SLC16A7: variants seen among roughly 807,000 people sequenced by gnomAD.
The protein encoded by SLC16A7 is solute carrier family 16 member 7, also known as monocarboxylate transporter 2.
SLC16A7 carries 33 observed loss-of-function variants against 34.9 expected under a neutral mutation model. The ratio of observed to expected loss-of-function variants is 0.94; its 90% CI spans 0.72 to 1.26. The LOEUF (loss-of-function observed/expected upper bound fraction) is 1.26, where lower values mean the gene tolerates loss of function less well. Among genes scored for constraint, SLC16A7 ranks in the 50% most tolerant of loss-of-function variants. The pLI is 0.00. For synonymous variants in SLC16A7, 201 were observed against 206.6 expected, an observed-to-expected ratio of 0.97 and a Z score of 0.23; for missense variants, 573 against 578.1, an observed-to-expected ratio of 0.99 and a Z score of 0.09.
At chr12:59,654,704 C>CACACAT (rs1555165844) in intron 1 of SLC16A7, among the ~76,000 whole-genome samples, 21 of 151,684 alleles carry the variant, frequency 1.4e-4, no homozygotes, top group East Asian at 1.2e-3. Flanking sequence ...CACACACACA[C>CACACAT]ACACACTCAC....
intron 3 of SLC16A7, among the ~76,000 whole-genome samples, chr12:59,748,545 A>G (rs780176525): frequency 3.9e-5 from 6 of 152,208 alleles, no homozygotes; most frequent in Non-Finnish European, 7.3e-5. Context: ...GTGCAATACC[A>G]TAAACCTTGA....
intron 3 of SLC16A7, among the ~76,000 whole-genome samples, chr12:59,743,165 T>TAAA (rs1878525116): frequency 6.6e-6 from 1 of 152,174 alleles, no homozygotes. Flanking sequence ...TCATACTGTT[T>TAAA]AAAAAGAGAA....
chr12:59,683,758 G>T (rs1870929305), intron 2 of SLC16A7, among the ~76,000 whole-genome samples: 1 of 151,934 alleles, frequency 6.6e-6, no homozygotes, highest in Non-Finnish European at 1.5e-5. Context: ...TATAATGGGG[G>T]GTATGTAAAG....
At chr12:59,685,049 G>A (rs7976956) in intron 2 of SLC16A7, among the ~76,000 whole-genome samples, 24,654 of 152,058 alleles carry the variant, frequency 0.16, 2,414 homozygotes, top group East Asian at 0.33. Context: ...GTACAGGAAG[G>A]TATGGGGAAA....
chr12:59,635,768 G>GA (rs1427935908), intron 1 of SLC16A7, among the ~76,000 whole-genome samples: 6 of 151,722 alleles, frequency 4.0e-5, no homozygotes, highest in Admixed American at 6.6e-5. Flanking sequence ...CTGTCCATCA[G>GA]AAAAAAATAT....
intron 2 of SLC16A7, among the ~76,000 whole-genome samples, chr12:59,666,539 A>C (rs1315574052): frequency 6.6e-6 from 1 of 152,108 alleles, no homozygotes; most frequent in Non-Finnish European, 1.5e-5. Flanking sequence ...GGTGGGAGGT[A>C]ATTGAATCAT....
intron 2 of SLC16A7, among the ~76,000 whole-genome samples, chr12:59,685,105 C>A (rs1361181293): frequency 6.6e-6 from 1 of 152,104 alleles, no homozygotes; most frequent in Non-Finnish European, 1.5e-5. Flanking sequence ...GATGATGGTT[C>A]TTTCCGGTCA....
chr12:59,682,264 G>T (rs1003276189), intron 2 of SLC16A7, among the ~76,000 whole-genome samples: 10 of 152,058 alleles, frequency 6.6e-5, no homozygotes, highest in East Asian at 1.9e-4. Context: ...ACATGTTAGG[G>T]TTGTCATTTT....
chr12:59,611,529 A>G (rs1879192649), intron 1 of SLC16A7, among the ~76,000 whole-genome samples: 1 of 152,210 alleles, frequency 6.6e-6, no homozygotes, highest in Non-Finnish European at 1.5e-5. Context: ...CCTCTGGCCC[A>G]TCTCAAAACT....
intron 3 of SLC16A7, among the ~76,000 whole-genome samples, chr12:59,725,264 CA>C (rs1200479114): frequency 2.0e-5 from 3 of 152,076 alleles, no homozygotes; most frequent in Non-Finnish European, 4.4e-5. Flanking sequence ...CACTTTGAAT[CA>C]CTATTGTATG....
chr12:59,751,819 C>T (rs2706280), intron 3 of SLC16A7, among the ~76,000 whole-genome samples: 18,647 of 152,188 alleles, frequency 0.12, 1,491 homozygotes, highest in African/African-American at 0.22. Context: ...GGGTCCCTGA[C>T]CCCTGACCCC....
chr12:59,772,083 C>T (rs1239224140), intron 4 of SLC16A7, among the ~76,000 whole-genome samples: 1 of 152,024 alleles, frequency 6.6e-6, no homozygotes, highest in Non-Finnish European at 1.5e-5. Flanking sequence ...AATTTATATT[C>T]AACGTATTAG....
intron 1 of SLC16A7, among the ~76,000 whole-genome samples, chr12:59,634,324 GA>G (rs528060686): frequency 1.6e-3 from 240 of 151,930 alleles, no homozygotes; most frequent in African/African-American, 4.9e-3. Flanking sequence ...TTTTGTTAAA[GA>G]AAAAAAATTA....
chr12:59,777,993 T>C (rs1882930309), intron 5 of SLC16A7, among the ~76,000 whole-genome samples: 1 of 152,134 alleles, frequency 6.6e-6, no homozygotes, highest in Non-Finnish European at 1.5e-5. Flanking sequence ...CATCATTTTT[T>C]ATGGCTGCAT....
intron 2 of SLC16A7, among the ~76,000 whole-genome samples, chr12:59,703,837 A>G (rs576193240): frequency 6.6e-6 from 1 of 152,312 alleles, no homozygotes; most frequent in South Asian, 2.1e-4. Context: ...GGTTGACCGT[A>G]GTAATCATTT....
chr12:59,709,302 G>A (rs1354011669), intron 3 of SLC16A7, among the ~76,000 whole-genome samples: 1 of 151,512 alleles, frequency 6.6e-6, no homozygotes, highest in African/African-American at 2.4e-5. Context: ...TCTGTTTTAT[G>A]TGAATAGTGA....
intron 2 of SLC16A7, among the ~76,000 whole-genome samples, chr12:59,679,680 A>G (rs1592483848): frequency 6.6e-6 from 1 of 152,266 alleles, no homozygotes; most frequent in Non-Finnish European, 1.5e-5. Flanking sequence ...ACTATATCTT[A>G]TGTCTTAGTC....
At chr12:59,738,092 A>G (rs1042299870) in intron 3 of SLC16A7, among the ~76,000 whole-genome samples, 1 of 152,174 alleles carries the variant, frequency 6.6e-6, no homozygotes, top group Non-Finnish European at 1.5e-5. Flanking sequence ...TCACAGAGAT[A>G]TTGTACTTAT....
chr12:59,597,803 A>G (rs1428479522), intron 1 of SLC16A7, among the ~76,000 whole-genome samples: 2 of 152,234 alleles, frequency 1.3e-5, no homozygotes, highest in African/African-American at 4.8e-5. Flanking sequence ...TTGTGTAACA[A>G]CTTACAAACT....
Sources: allele counts gnomAD v4.1 joint callset (sites outside exome capture counted in the v4.1 genomes callset), GRCh38; gene constraint gnomAD v4.1.1; transcripts MANE v1.5; gene names NCBI Gene and HGNC (gene_info 2026-07-23, HGNC 2026-07-21).